VBP1: variants seen among roughly 807,000 people sequenced by gnomAD.
VBP1 encodes VHL binding protein 1.
A neutral mutation model predicts 15.5 loss-of-function variants in VBP1; 4 were observed. The ratio of observed to expected loss-of-function variants is 0.26; its 90% CI spans 0.13 to 0.59. The LOEUF is 0.59. Ranked by LOEUF, VBP1 falls within the 20% of genes least tolerant of loss-of-function variation. VBP1 has a pLI of 0.90. For missense variants in VBP1, 108 were observed against 139.6 expected (o/e 0.77, Z 1.14); for synonymous variants, 61 against 52.1 (o/e 1.17, Z -0.74).
At chrX:155,226,284 G>C (rs1036972458) in intron 2 of VBP1, among the ~76,000 whole-genome samples, 4 of 111,659 alleles carry the variant, frequency 3.6e-5, no homozygotes, top group Non-Finnish European at 7.5e-5. Context: ...AATGTTTTTA[G>C]CATACTGTTT....
upstream of VBP1, among the ~76,000 whole-genome samples, chrX:155,215,040 C>T (rs2074657671): frequency 9.1e-6 from 1 of 110,491 alleles, no homozygotes; most frequent in Non-Finnish European, 1.9e-5. Context: ...TACTATATCT[C>T]TTAGAGGGAT....
intron 2 of VBP1, among the ~76,000 whole-genome samples, chrX:155,226,286 A>C (rs897144761): frequency 8.9e-6 from 1 of 111,853 alleles, no homozygotes; most frequent in Non-Finnish European, 1.9e-5. Flanking sequence ...TGTTTTTAGC[A>C]TACTGTTTTT....
chrX:155,233,027 C>T (rs1429939973), intron 4 of VBP1, among the ~76,000 whole-genome samples: 1 of 112,269 alleles, frequency 8.9e-6, no homozygotes, highest in East Asian at 2.8e-4. Flanking sequence ...CACGCCAGCA[C>T]TGCAAGGGTG....
chrX:155,201,210 A>T (rs1373836117), intron 1 of VBP1, among the ~76,000 whole-genome samples: 19 of 110,656 alleles, frequency 1.7e-4, no homozygotes, highest in Non-Finnish European at 3.4e-4. Context: ...ATTCCTTCTG[A>T]AACTATTCCA....
At chrX:155,223,269 G>A (rs2124076603) in intron 2 of VBP1, among the ~76,000 whole-genome samples, 1 of 106,258 alleles carries the variant, frequency 9.4e-6, no homozygotes, top group South Asian at 4.4e-4. Flanking sequence ...AGGGTCATAG[G>A]ACAATAGTGG....
At chrX:155,224,338 G>A (rs782067281) in intron 2 of VBP1, among the ~76,000 whole-genome samples, 3 of 112,499 alleles carry the variant, frequency 2.7e-5, no homozygotes, top group Non-Finnish European at 3.8e-5. Flanking sequence ...GCGAGACTCC[G>A]TCTGCAATCC....
At chrX:155,213,433 G>C, upstream of VBP1, 1 of 112,346 alleles carries the variant, frequency 8.9e-6, no homozygotes, top group Non-Finnish European at 1.9e-5. Flanking sequence ...AAAGCTTCCA[G>C]GCAAAGATGG....
intron 1 of VBP1, among the ~76,000 whole-genome samples, chrX:155,197,639 C>A (rs782345086): frequency 8.9e-6 from 1 of 111,809 alleles, no homozygotes; most frequent in African/African-American, 3.2e-5. Context: ...CCAAGATGGC[C>A]GAATAGGAAC....
At chrX:155,212,345 A>G (rs1262512122), upstream of VBP1, among the ~76,000 whole-genome samples, 1 of 111,907 alleles carries the variant, frequency 8.9e-6, no homozygotes. Flanking sequence ...TTGGAAAGGA[A>G]GAGCTTGGGT....
chrX:155,232,820 C>T (rs2074753621), intron 4 of VBP1, among the ~76,000 whole-genome samples: 2 of 112,961 alleles, frequency 1.8e-5, no homozygotes, highest in South Asian at 7.2e-4. Context: ...GTCTCTATCT[C>T]TTTCTGCCTC....
chrX:155,198,641 A>G (rs2074588366), intron 1 of VBP1, among the ~76,000 whole-genome samples: 1 of 110,925 alleles, frequency 9.0e-6, no homozygotes, highest in East Asian at 2.8e-4. Flanking sequence ...AAAGTAGATA[A>G]AACCACAAAG....
chrX:155,202,138 A>G (rs782696634), intron 1 of VBP1, among the ~76,000 whole-genome samples: 4 of 112,211 alleles, frequency 3.6e-5, no homozygotes, highest in Non-Finnish European at 5.6e-5. Flanking sequence ...AGAACATTCC[A>G]TGCTCATGGG....
chrX:155,223,966 G>T (rs1306796461), intron 2 of VBP1, among the ~76,000 whole-genome samples: 6 of 110,507 alleles, frequency 5.4e-5, no homozygotes, highest in Non-Finnish European at 3.8e-5. Flanking sequence ...CCCAGACGGG[G>T]TGGCGGCGGG....
At chrX:155,201,847 G>A (rs752149653) in intron 1 of VBP1, among the ~76,000 whole-genome samples, 1 of 111,182 alleles carries the variant, frequency 9.0e-6, no homozygotes, top group Non-Finnish European at 1.9e-5. Context: ...ACATGATTGT[G>A]TATCTAGAAA....
At chrX:155,207,316 T>C (rs2074629648) in intron 1 of VBP1, among the ~76,000 whole-genome samples, 1 of 111,746 alleles carries the variant, frequency 8.9e-6, no homozygotes. Context: ...TGAATAACTA[T>C]GGACCCAGGT....
At chrX:155,221,376 C>G (rs2074688838) in intron 2 of VBP1, among the ~76,000 whole-genome samples, 1 of 110,368 alleles carries the variant, frequency 9.1e-6, no homozygotes, top group Non-Finnish European at 1.9e-5. Context: ...TGGCATGCAT[C>G]TGTGGTCACA....
intron 1 of VBP1, among the ~76,000 whole-genome samples, chrX:155,203,430 A>G (rs1184333550): frequency 2.7e-5 from 3 of 110,713 alleles, no homozygotes; most frequent in Non-Finnish European, 5.7e-5. Context: ...CTATGCAGCC[A>G]TAAAAAATGA....
rs1557309025 is a variant in VBP1 at position 155,216,493 on chromosome X, T to C, written c.11T>C (p.Val4Ala). 2.6e-6 allele frequency: 3 copies of C among 1,168,542 alleles called. No homozygotes were observed. Among genetic ancestry groups the C allele is most frequent in the East Asian group, 6.5e-5 (2 of 30,950 alleles). MAA[V>A]KDSCGKGEMA... ...GCTCGCATCCCCAAGATGGCGGCCG[T>C]TAAGGACAGTTGTGGCAAAGGAGAA... Residue 4 changes from valine (V) to alanine (A), a missense_variant, in exon 1 of 6, where the codon GTT (valine) becomes GCT (alanine). Transcript: ENST00000286428.
At chrX:155,211,736 T>C (rs996363022), upstream of VBP1, among the ~76,000 whole-genome samples, 5 of 112,301 alleles carry the variant, frequency 4.5e-5, no homozygotes, top group African/African-American at 6.5e-5. Flanking sequence ...AGAATAGCCC[T>C]TCTTCCTCCC....
Sources: allele counts gnomAD v4.1 joint callset (sites outside exome capture counted in the v4.1 genomes callset), GRCh38; gene constraint gnomAD v4.1.1; transcripts MANE v1.5; gene names NCBI Gene and HGNC (gene_info 2026-07-23, HGNC 2026-07-21).